The following KANK4 variants were observed in gnomAD, a reference collection of about 807,000 sequenced individuals.
The protein encoded by KANK4 is KN motif and ankyrin repeat domain-containing protein 4.
KANK4 carries 50 observed loss-of-function variants against 80.8 expected under a neutral mutation model. The observed-to-expected ratio is 0.62, with a 90% CI of 0.49 to 0.78. The LOEUF (loss-of-function observed/expected upper bound fraction) is 0.78, where lower values mean the gene tolerates loss of function less well. KANK4 is among the 30% of genes least tolerant of loss of function. The probability of loss-of-function intolerance (pLI) is 0.00; values close to 1 mark genes in which losing one functional copy is unlikely to be tolerated. For missense variants in KANK4, 1,196 were observed against 1,240.1 expected (o/e 0.96, Z 0.53); for synonymous variants, 465 against 506.9 (o/e 0.92, Z 1.11).
chr1:62,256,669 C>T (rs779843470), intron 7 of KANK4, among the ~76,000 whole-genome samples: 10 of 152,106 alleles, frequency 6.6e-5, no homozygotes, highest in Non-Finnish European at 1.5e-4. Flanking sequence ...AGGCATGAGC[C>T]GTCGCGCCTG....
intron 9 of KANK4, among the ~76,000 whole-genome samples, chr1:62,242,999 T>G (rs1227227380): frequency 6.6e-6 from 1 of 152,130 alleles, no homozygotes; most frequent in African/African-American, 2.4e-5. Context: ...CTGACCCAGG[T>G]GGGCAGCATG....
chr1:62,271,267 C>T (rs1672154826), intron 4 of KANK4, among the ~76,000 whole-genome samples: 1 of 152,162 alleles, frequency 6.6e-6, no homozygotes, highest in Admixed American at 6.5e-5. Context: ...AAAGCCAAGA[C>T]ATATTAAAAG....
At chr1:62,299,853 C>T (rs186895536) in intron 1 of KANK4, among the ~76,000 whole-genome samples, 129 of 152,180 alleles carry the variant, frequency 8.5e-4, no homozygotes, top group Admixed American at 3.3e-3. Context: ...AAGAGTGAGC[C>T]GTTCAAAATA....
intron 1 of KANK4, among the ~76,000 whole-genome samples, chr1:62,315,816 C>G (rs1644534075): frequency 6.6e-6 from 1 of 152,210 alleles, no homozygotes; most frequent in African/African-American, 2.4e-5. Context: ...CCCACCATAC[C>G]TACCGAAGTG....
At chr1:62,289,666 ATTTCT>A (rs72435783) in intron 1 of KANK4, among the ~76,000 whole-genome samples, 26,809 of 152,094 alleles carry the variant, frequency 0.18, 3,134 homozygotes, top group Middle Eastern at 0.33. Flanking sequence ...GTCACATGTG[ATTTCT>A]TTCCTTGGTG....
chr1:62,316,842 GC>G (rs1644545643), intron 1 of KANK4, among the ~76,000 whole-genome samples: 2 of 152,164 alleles, frequency 1.3e-5, no homozygotes. Flanking sequence ...TTTTTAAGGT[GC>G]TCAGTGTAGC....
intron 5 of KANK4, among the ~76,000 whole-genome samples, 172 bp from the exon 6 acceptor site, chr1:62,266,991 T>C (rs942094281): frequency 1.3e-5 from 2 of 152,166 alleles, no homozygotes; most frequent in African/African-American, 2.4e-5. Context: ...TGTGTGCCGA[T>C]GTGACTTGGC....
At chr1:62,247,722 G>A in intron 8 of KANK4, 50 bp from the exon 9 acceptor site, 1 of 1,522,304 alleles carries the variant, frequency 6.6e-7, no homozygotes, top group Non-Finnish European at 9.1e-7. Context: ...AGTGGGGAAG[G>A]ACCCCCTCTC....
intron 1 of KANK4, among the ~76,000 whole-genome samples, chr1:62,289,738 G>A (rs1260969432): frequency 6.6e-6 from 1 of 152,222 alleles, no homozygotes; most frequent in Non-Finnish European, 1.5e-5. Context: ...TAAATTATTT[G>A]GGGGGAAAGA....
intron 8 of KANK4, among the ~76,000 whole-genome samples, 166 bp from the exon 9 acceptor site, chr1:62,247,838 C>CT (rs1671509009): frequency 6.6e-6 from 1 of 152,000 alleles, no homozygotes; most frequent in South Asian, 2.1e-4. Context: ...AAATTCTACT[C>CT]TTTTAAGACT....
At chr1:62,242,457 G>A (rs902423751) in intron 9 of KANK4, among the ~76,000 whole-genome samples, 1 of 151,448 alleles carries the variant, frequency 6.6e-6, no homozygotes, top group African/African-American at 2.4e-5. Context: ...GTTGGAGAGG[G>A]GTGTCTTTGA....
chr1:62,318,293 G>T (rs1375624123), intron 1 of KANK4, among the ~76,000 whole-genome samples: 1 of 152,222 alleles, frequency 6.6e-6, no homozygotes, highest in Non-Finnish European at 1.5e-5. Context: ...TAAGACTTGA[G>T]TTTGGCAGCC....
At chr1:62,279,081 A>G (rs1672388496) in intron 2 of KANK4, among the ~76,000 whole-genome samples, 1 of 152,216 alleles carries the variant, frequency 6.6e-6, no homozygotes, top group African/African-American at 2.4e-5. Context: ...AATAAGAAAC[A>G]GCAGATTCAA....
chr1:62,273,984 C>T lies in KANK4; in HGVS notation c.1120G>A (p.Glu374Lys). Reference protein sequence around the residue: ...AQVRTALQQQEEEIKAREQRI... With the variant: ...AQVRTALQQQKEEIKAREQRI... The stretch of plus-strand genomic sequence containing the variant: ...TGCTCCCTAGCTTTGATTTCCTCTT[C>T]CTGCTGCTGGAGAGCAGTTCTGACC... The change falls in exon 3 of 10, where the codon GAA becomes AAA. Residue 374 changes from glutamate to lysine, a missense_variant. Glu to Lys is a moderately conservative substitution (Grantham distance 56, BLOSUM62 1). Transcript: ENST00000371153. 6.2e-7 allele frequency: 1 copy of T among 1,614,214 alleles called. No individual in the cohort carries two copies. Among genetic ancestry groups the T allele is most frequent in the Admixed American group, 1.7e-5 (1 of 60,028 alleles).
intron 1 of KANK4, among the ~76,000 whole-genome samples, chr1:62,299,691 G>C (rs1381881870): frequency 2.6e-5 from 4 of 152,144 alleles, no homozygotes; most frequent in Non-Finnish European, 5.9e-5. Flanking sequence ...GCTGACCATA[G>C]TGCTGCCTCA....
At chr1:62,314,075 G>A (rs1188384966) in intron 1 of KANK4, among the ~76,000 whole-genome samples, 2 of 152,170 alleles carry the variant, frequency 1.3e-5, no homozygotes, top group East Asian at 3.9e-4. Context: ...GTACAGTGGC[G>A]CGATCTCGGC....
chr1:62,271,994 G>C (rs1672174638), intron 3 of KANK4: 1 of 185,242 alleles, frequency 5.4e-6, no homozygotes, highest in South Asian at 1.3e-4. Context: ...GCTCACAAGT[G>C]CATACTGACA....
rs1671256490 is a variant in KANK4 at position 62,238,364 on chromosome 1, C to T, written c.2901G>A (p.Leu967=). 1 of 1,613,758 alleles carries T rather than the reference C, an allele frequency of 6.2e-7. No individual in the cohort carries two copies. The highest frequency in any genetic ancestry group is 8.5e-7 in the Non-Finnish European group (1 of 1,179,986). ...SLTDKAGRTA[L]SIALKSPTHM... ...GGGTGGGTGACTTCAGAGCGATGGA[C>T]AAAGCTGTGCGGCCAGCCTACAGGA... Residue 967 remains leucine, a synonymous_variant, in exon 10 of 10, where the codon TTG becomes TTA. Transcript: ENST00000371153.
intron 1 of KANK4, among the ~76,000 whole-genome samples, chr1:62,311,408 A>G (rs1315788445): frequency 6.6e-6 from 1 of 150,816 alleles, no homozygotes; most frequent in Admixed American, 6.6e-5. Flanking sequence ...AAAAGGTAGC[A>G]AAAAAAAACA....
Sources: gnomAD v4.1 joint callset for allele counts (sites outside exome capture counted in the v4.1 genomes callset) on GRCh38, gnomAD v4.1.1 for gene constraint, MANE v1.5 for transcripts, NCBI Gene and HGNC (gene_info 2026-07-23, HGNC 2026-07-21) for gene names.